STXBP6: variants seen among roughly 807,000 people sequenced by gnomAD.
STXBP6 encodes syntaxin binding protein 6.
A neutral mutation model predicts 26.9 loss-of-function variants in STXBP6; 21 were observed. The ratio of observed to expected loss-of-function variants is 0.78; its 90% CI spans 0.55 to 1.12. The LOEUF is 1.12. Ranked by LOEUF, STXBP6 falls within the 50% of genes most tolerant of loss-of-function variation. STXBP6 has a pLI of 0.00. For missense variants in STXBP6, 232 were observed against 257.9 expected, an observed-to-expected ratio of 0.90 and a Z score of 0.69; for synonymous variants, 97 against 92.6, an observed-to-expected ratio of 1.05 and a Z score of -0.27.
At chr14:24,997,087 A>T (rs2074623802) in intron 1 of STXBP6, among the ~76,000 whole-genome samples, 1 of 152,130 alleles carries the variant, frequency 6.6e-6, no homozygotes, top group Admixed American at 6.5e-5. Flanking sequence ...GTCCAGAGGG[A>T]AAGTGACTTT....
chr14:24,831,668 G>T (rs919842859), intron 4 of STXBP6, among the ~76,000 whole-genome samples: 2 of 152,030 alleles, frequency 1.3e-5, no homozygotes, highest in Non-Finnish European at 2.9e-5. Flanking sequence ...TGTACTCTTT[G>T]ATTTAAAAAA....
intron 2 of STXBP6, among the ~76,000 whole-genome samples, chr14:24,951,151 T>G (rs932196469): frequency 6.6e-6 from 1 of 152,228 alleles, no homozygotes; most frequent in African/African-American, 2.4e-5. Flanking sequence ...GATGGACATT[T>G]GGGTTGGTTC....
chr14:24,927,854 T>C (rs928787153), intron 2 of STXBP6, among the ~76,000 whole-genome samples: 40 of 152,188 alleles, frequency 2.6e-4, no homozygotes, highest in African/African-American at 8.9e-4. Flanking sequence ...CTTGCAACTT[T>C]AATAAAAACT....
At chr14:24,831,253 CTTTG>C (rs901500744) in intron 4 of STXBP6, among the ~76,000 whole-genome samples, 27 of 152,266 alleles carry the variant, frequency 1.8e-4, no homozygotes, top group African/African-American at 3.8e-4. Flanking sequence ...TTCCTTGGAA[CTTTG>C]TTTATGTTTC....
At chr14:24,981,613 T>C (rs934380885) in intron 1 of STXBP6, among the ~76,000 whole-genome samples, 2 of 152,064 alleles carry the variant, frequency 1.3e-5, no homozygotes, top group East Asian at 1.9e-4. Flanking sequence ...ACACACCCAA[T>C]TGGTGCAAGG....
chr14:24,817,042 C>A (rs1186698531), intron 5 of STXBP6: 1 of 152,174 alleles, frequency 6.6e-6, no homozygotes, highest in African/African-American at 2.4e-5. Context: ...GTACTATTCT[C>A]ATAAAGAATA....
At chr14:25,033,943 C>T (rs965768766) in intron 1 of STXBP6, among the ~76,000 whole-genome samples, 1 of 152,112 alleles carries the variant, frequency 6.6e-6, no homozygotes, top group African/African-American at 2.4e-5. Flanking sequence ...AGGTATATGG[C>T]CCTGCAGGAT....
At chr14:24,837,002 A>G (rs2068639367) in intron 4 of STXBP6, among the ~76,000 whole-genome samples, 1 of 152,226 alleles carries the variant, frequency 6.6e-6, no homozygotes, top group Non-Finnish European at 1.5e-5. Flanking sequence ...CATCAAGAAC[A>G]TGAATATTTT....
chr14:24,962,875 C>A (rs1444985054), intron 2 of STXBP6, among the ~76,000 whole-genome samples: 1 of 141,264 alleles, frequency 7.1e-6, no homozygotes, highest in African/African-American at 2.9e-5. Flanking sequence ...CATTATTTCT[C>A]CTGGTGAAAA....
At chr14:24,876,714 G>T (rs1168798903) in intron 2 of STXBP6, among the ~76,000 whole-genome samples, 1 of 152,206 alleles carries the variant, frequency 6.6e-6, no homozygotes, top group African/African-American at 2.4e-5. Context: ...ATTTTAAAAT[G>T]TAAGTCAAGA....
chr14:24,945,139 A>ATATTTTTTTT lies in STXBP6; in HGVS notation c.154+29525_154+29526insAAAAAAAATA, dbSNP rs2072937548. On this transcript the variant is annotated intron_variant, in intron 2 of 5. Coordinates refer to ENST00000323944, the MANE Select transcript of STXBP6 (RefSeq NM_001394410.1). ...TGGCATGTATATGAACCAATTAGGA[A>ATATTTTTTTT]TTTTTTTTTTTTTTTTTTTTTTTTT... 2.1e-3 allele frequency among the ~76,000 whole-genome samples: 207 copies of ATATTTTTTTT among 100,708 alleles called. 1 individual carries two copies. The highest frequency in any genetic ancestry group is 6.8e-3 in the African/African-American group (188 of 27,530). The allele number at this position is 100,708 out of a possible 152,430, so 66.1% of individuals were successfully genotyped here. A position where few individuals can be genotyped will look rare whatever the true frequency, so the allele number is the denominator to read the frequency against.
At chr14:24,928,627 T>C (rs1017678798) in intron 2 of STXBP6, among the ~76,000 whole-genome samples, 7 of 152,150 alleles carry the variant, frequency 4.6e-5, no homozygotes, top group Non-Finnish European at 8.8e-5. Flanking sequence ...AACCTAAATA[T>C]AGAAGCAAGA....
At chr14:24,862,938 G>A (rs1468022158) in intron 2 of STXBP6, among the ~76,000 whole-genome samples, 1 of 152,090 alleles carries the variant, frequency 6.6e-6, no homozygotes, top group Non-Finnish European at 1.5e-5. Context: ...ACGAGGAAGC[G>A]GCATTACTTT....
chr14:24,920,757 CTT>C (rs1482197596), intron 2 of STXBP6, among the ~76,000 whole-genome samples: 1 of 152,024 alleles, frequency 6.6e-6, no homozygotes, highest in African/African-American at 2.4e-5. Context: ...CTCACAGTCT[CTT>C]ATCTTCCATG....
chr14:25,017,181 T>C (rs2075167641), intron 1 of STXBP6, among the ~76,000 whole-genome samples: 1 of 152,186 alleles, frequency 6.6e-6, no homozygotes, highest in Non-Finnish European at 1.5e-5. Flanking sequence ...TTTGTGCTAG[T>C]TGGTAGGGTA....
chr14:24,828,567 A>C (rs1478400043), intron 4 of STXBP6, among the ~76,000 whole-genome samples: 2 of 152,202 alleles, frequency 1.3e-5, no homozygotes, highest in African/African-American at 4.8e-5. Flanking sequence ...GCAATGGGCA[A>C]ATACAGAAAA....
intron 2 of STXBP6, among the ~76,000 whole-genome samples, chr14:24,875,200 T>C (rs981651135): frequency 3.9e-5 from 6 of 152,216 alleles, no homozygotes; most frequent in Admixed American, 2.0e-4. Context: ...ATGTGTCTTT[T>C]CCTATCTGGG....
chr14:25,023,566 T>C (rs2075296924), intron 1 of STXBP6, among the ~76,000 whole-genome samples: 1 of 151,972 alleles, frequency 6.6e-6, no homozygotes, highest in African/African-American at 2.4e-5. Flanking sequence ...CCCAACAGTA[T>C]GGAAGGCTGA....
intron 2 of STXBP6, among the ~76,000 whole-genome samples, chr14:24,892,891 T>C (rs1181698786): frequency 1.3e-5 from 2 of 152,208 alleles, no homozygotes; most frequent in African/African-American, 4.8e-5. Flanking sequence ...TATCAATTAC[T>C]GTAACTAGAA....
Sources: allele counts gnomAD v4.1 joint callset (sites outside exome capture counted in the v4.1 genomes callset), GRCh38; gene constraint gnomAD v4.1.1; transcripts MANE v1.5; gene names NCBI Gene and HGNC (gene_info 2026-07-23, HGNC 2026-07-21).